Variants in LRRIQ1 observed in about 807,000 individuals in gnomAD.
LRRIQ1 encodes leucine rich repeats and IQ motif containing 1.
Under a neutral mutation model 211.9 loss-of-function variants are expected in LRRIQ1, and 210 were observed. The observed-to-expected ratio is 0.99, with a 90% CI of 0.89 to 1.11. The LOEUF is 1.11. LRRIQ1 is among the 50% of genes most tolerant of loss of function. LRRIQ1 has a pLI of 0.00. For missense variants in LRRIQ1, 2,136 were observed against 1,939.5 expected (o/e 1.10, Z -1.90); for synonymous variants, 699 against 650.1 (o/e 1.08, Z -1.14).
intron 24 of LRRIQ1, among the ~76,000 whole-genome samples, chr12:85,181,413 T>C (rs908831074): frequency 5.9e-5 from 9 of 151,882 alleles, no homozygotes; most frequent in Middle Eastern, 3.2e-3. Context: ...CATTTATCAA[T>C]ATTATAGGGA....
At chr12:85,113,632 C>T (rs767291875) in intron 15 of LRRIQ1, among the ~76,000 whole-genome samples, 37 of 152,146 alleles carry the variant, frequency 2.4e-4, no homozygotes, top group Admixed American at 3.3e-4. Context: ...TGCCCCCCTC[C>T]GCCAAGTTTT....
At chr12:85,232,602 C>A in intron 25 of LRRIQ1, 94 bp from the exon 26 acceptor site, 1 of 974,388 alleles carries the variant, frequency 1.0e-6, no homozygotes, top group Non-Finnish European at 1.6e-6. Flanking sequence ...TTGTAAATAA[C>A]GAATTTCTCT....
In LRRIQ1 at chr12:85,152,280, G is replaced by T. The variant is rs760277099; in HGVS notation, c.4330G>T (p.Ala1444Ser). The T allele has an allele frequency of 8.1e-6, 13 of 1,605,166 alleles. No homozygotes were observed. Among genetic ancestry groups the T allele is most frequent in the Non-Finnish European group, 1.0e-5 (12 of 1,175,606 alleles). ...IDLEDFIFDE[A>S]ALEEEWLALD... ...ATACATTTTAATATTATTTGTGCAG[G>T]CTGCCTTAGAAGAAGAATGGCTAGC... Residue 1444 changes from alanine to serine, a missense_variant and splice_region_variant, in exon 20 of 27, where the codon GCT becomes TCT. Physicochemically the swap from Ala to Ser is moderately conservative, Grantham distance 99. Transcript: ENST00000393217.
intron 11 of LRRIQ1, among the ~76,000 whole-genome samples, chr12:85,079,459 G>T (rs1884037395): frequency 6.6e-6 from 1 of 151,446 alleles, no homozygotes; most frequent in African/African-American, 2.4e-5. Context: ...TCCTGACCTT[G>T]GGGTCCGCCT....
intron 19 of LRRIQ1, among the ~76,000 whole-genome samples, chr12:85,145,344 C>A (rs1050780788): frequency 2.6e-5 from 4 of 151,506 alleles, no homozygotes; most frequent in Non-Finnish European, 5.9e-5. Flanking sequence ...TGAAATATTT[C>A]CTTAGATTGA....
At chr12:85,057,847 G>A (rs1285054717) in intron 8 of LRRIQ1, among the ~76,000 whole-genome samples, 1 of 152,008 alleles carries the variant, frequency 6.6e-6, no homozygotes, top group Non-Finnish European at 1.5e-5. Flanking sequence ...TGTAACACTA[G>A]AAAGCACTTA....
intron 18 of LRRIQ1, among the ~76,000 whole-genome samples, chr12:85,133,642 A>G (rs756566714): frequency 2.0e-5 from 3 of 152,076 alleles, no homozygotes; most frequent in Non-Finnish European, 4.4e-5. Flanking sequence ...TCAGGGTTTG[A>G]AAAGGATAAT....
intron 13 of LRRIQ1, among the ~76,000 whole-genome samples, 198 bp from the exon 14 acceptor site, chr12:85,103,806 T>C (rs553873575): frequency 2.0e-5 from 3 of 151,740 alleles, no homozygotes; most frequent in Admixed American, 2.0e-4. Flanking sequence ...TAGAAGTCTA[T>C]AATTACTGCA....
At chr12:85,174,481 G>A (rs1891582087) in intron 24 of LRRIQ1, among the ~76,000 whole-genome samples, 1 of 151,400 alleles carries the variant, frequency 6.6e-6, no homozygotes, top group African/African-American at 2.4e-5. Flanking sequence ...AGATAGTTGA[G>A]GCCAAGAGTT....
chr12:85,201,248 T>A (rs1304347922), intron 24 of LRRIQ1, among the ~76,000 whole-genome samples: 2 of 151,466 alleles, frequency 1.3e-5, no homozygotes, highest in African/African-American at 2.4e-5. Flanking sequence ...CTCTTCTTTT[T>A]TTTTTTTTTT....
downstream of LRRIQ1, among the ~76,000 whole-genome samples, chr12:85,266,121 A>C (rs931827753): frequency 1.2e-4 from 18 of 152,136 alleles, no homozygotes; most frequent in Non-Finnish European, 2.5e-4. Context: ...ACCATCTTAC[A>C]AAGTCAGGAT....
intron 5 of LRRIQ1, among the ~76,000 whole-genome samples, chr12:85,046,828 A>G (rs1000036598): frequency 1.3e-5 from 2 of 152,212 alleles, no homozygotes; most frequent in Non-Finnish European, 1.5e-5. Context: ...AGCCATAAAA[A>G]AGGATGAGTT....
intron 15 of LRRIQ1, among the ~76,000 whole-genome samples, chr12:85,107,752 G>A (rs1031606945): frequency 1.1e-4 from 16 of 151,794 alleles, no homozygotes; most frequent in Admixed American, 5.3e-4. Context: ...CACTCACTCC[G>A]AATAGTTTCT....
At chr12:85,266,773 T>TA (rs1896429728), downstream of LRRIQ1, among the ~76,000 whole-genome samples, 1 of 152,156 alleles carries the variant, frequency 6.6e-6, no homozygotes, top group Non-Finnish European at 1.5e-5. Context: ...AGTGAGAACT[T>TA]ACTTGCTAGT....
intron 24 of LRRIQ1, among the ~76,000 whole-genome samples, chr12:85,210,034 G>A (rs1453136174): frequency 6.6e-6 from 1 of 152,062 alleles, no homozygotes; most frequent in Admixed American, 6.6e-5. Flanking sequence ...AATAAATAAT[G>A]CAGAATTTCT....
At chr12:85,152,665 C>T (rs1890318683) in intron 20 of LRRIQ1, among the ~76,000 whole-genome samples, 1 of 151,578 alleles carries the variant, frequency 6.6e-6, no homozygotes, top group South Asian at 2.1e-4. Flanking sequence ...GTTGACAGCA[C>T]TTTAAAAATA....
At chr12:85,178,809 AC>A (rs1208603962) in intron 24 of LRRIQ1, among the ~76,000 whole-genome samples, 2 of 151,876 alleles carry the variant, frequency 1.3e-5, no homozygotes, top group African/African-American at 4.8e-5. Context: ...ATATTTACTT[AC>A]TGATACAGCA....
At position 85,217,572 on chromosome 12, in the gene LRRIQ1, G is replaced by C. The variant is rs1369939357; in HGVS notation, c.4823-11945G>C. 3.5e-5 allele frequency among the ~76,000 whole-genome samples: 3 copies of C among 85,978 alleles called. No homozygotes were observed. The East Asian group carries it at 8.7e-4, about 25-fold the overall frequency. 56.4% of individuals were successfully genotyped at this position (85,978 alleles called of 152,430 possible). A position where few individuals can be genotyped will look rare whatever the true frequency, so the allele number is the denominator to read the frequency against. ...TGTGTATATAGGTATATATATGTGT[G>C]TATACATATGTATATATATATGTAT... On this transcript the variant is annotated intron_variant, in intron 24 of 26. Transcript: ENST00000393217.
downstream of LRRIQ1, among the ~76,000 whole-genome samples, chr12:85,249,141 T>A (rs1895825566): frequency 6.6e-6 from 1 of 151,774 alleles, no homozygotes; most frequent in Non-Finnish European, 1.5e-5. Flanking sequence ...ATATTGATTT[T>A]TGTGATAAAA....
Sources: gnomAD v4.1 joint callset for allele counts (sites outside exome capture counted in the v4.1 genomes callset) on GRCh38, gnomAD v4.1.1 for gene constraint, MANE v1.5 for transcripts, NCBI Gene and HGNC (gene_info 2026-07-23, HGNC 2026-07-21) for gene names.